The following SEMA4D variants were observed in gnomAD, a reference collection of about 807,000 sequenced individuals.
SEMA4D encodes the protein semaphorin-4D.
Under a neutral mutation model 74.8 loss-of-function variants are expected in SEMA4D, and 22 were observed. The observed-to-expected ratio is 0.29, with a 90% CI of 0.21 to 0.42. The LOEUF is 0.42. Among genes scored for constraint, SEMA4D ranks in the 10% least tolerant of loss-of-function variants. The pLI is 1.00. For missense variants in SEMA4D, 937 were observed against 1,118.4 expected (o/e 0.84, Z 2.31); for synonymous variants, 445 against 463.7 (o/e 0.96, Z 0.52).
Position 89,381,266 on chromosome 9 carries a change from G to A in SEMA4D, c.1527C>T (p.Cys509=), listed in dbSNP as rs759356353. ...PLAFCGKHGT[C]EDCVLARDPY... ...GGTCCCGCGCCAGCACACAGTCCTC[G>A]CAGGTGCCGTGCTTCCCACAGAAGG... The change falls in exon 14 of 16, where the codon TGC becomes TGT. Residue 509 remains cysteine (C), a synonymous_variant. Transcript: ENST00000422704. The surrounding 1 kb of genome is among the most constrained non-coding windows in gnomAD (Gnocchi z 4.6). 46 of 1,595,630 alleles carry A rather than the reference G, an allele frequency of 2.9e-5. No homozygotes were observed. The East Asian group carries it at 4.7e-4, about 16-fold the overall frequency.
chr9:89,490,279 C>A (rs1825526060), intron 1 of SEMA4D, among the ~76,000 whole-genome samples: 1 of 152,198 alleles, frequency 6.6e-6, no homozygotes, highest in Admixed American at 6.5e-5. Flanking sequence ...ACCAACTATT[C>A]AGCAATAAAA....
chr9:89,380,622 C>T (rs113309113), intron 15 of SEMA4D, among the ~76,000 whole-genome samples: 14 of 152,186 alleles, frequency 9.2e-5, no homozygotes, highest in Non-Finnish European at 1.6e-4. Context: ...TGGCCTGATG[C>T]CACCCCTCCC....
At position 89,381,186 on chromosome 9, in the gene SEMA4D, T is replaced by C; in HGVS notation, c.1607A>G (p.Glu536Gly). 6.2e-7 allele frequency: 1 copy of C among 1,613,704 alleles called. No homozygotes were observed. Among genetic ancestry groups the C allele is most frequent in the Non-Finnish European group, 8.5e-7 (1 of 1,179,668 alleles). ...TATCVALHQT[E>G]SPSRGLIQEM... The stretch of plus-strand genomic sequence containing the variant: ...TCCCGCCCCATACCTGCTGGGGCTC[T>C]CGGTCTGGTGCAGAGCCACGCAGGT... The change falls in exon 14 of 16, where the codon GAG becomes GGG. Residue 536 changes from glutamate (E) to glycine (G), a missense_variant. Glu to Gly is a moderately conservative substitution (Grantham distance 98, BLOSUM62 -2). Coordinates refer to ENST00000422704, the MANE Select transcript of SEMA4D (RefSeq NM_001371194.2). The surrounding 1 kb of genome is among the most constrained non-coding windows in gnomAD (Gnocchi z 4.6).
At chr9:89,470,229 T>A (rs72750921) in intron 1 of SEMA4D, among the ~76,000 whole-genome samples, 1 of 152,212 alleles carries the variant, frequency 6.6e-6, no homozygotes, top group Non-Finnish European at 1.5e-5. Flanking sequence ...TATTTGCAAA[T>A]CACATATCTG....
At chr9:89,496,164 C>T (rs1825997739) in intron 1 of SEMA4D, among the ~76,000 whole-genome samples, 1 of 152,212 alleles carries the variant, frequency 6.6e-6, no homozygotes, top group South Asian at 2.1e-4. Context: ...CACTCTAAAC[C>T]TCAGCCCAGG....
At chr9:89,444,400 C>A (rs1852344828) in intron 2 of SEMA4D, among the ~76,000 whole-genome samples, 1 of 152,212 alleles carries the variant, frequency 6.6e-6, no homozygotes, top group African/African-American at 2.4e-5. Flanking sequence ...CATGAGGGGA[C>A]TCCTCCCAGC....
At chr9:89,401,199 G>C (rs189490749) in intron 4 of SEMA4D, among the ~76,000 whole-genome samples, 4 of 151,636 alleles carry the variant, frequency 2.6e-5, no homozygotes, top group African/African-American at 9.7e-5. Flanking sequence ...AGACTCCCAA[G>C]ACCTGAGCCA....
At chr9:89,463,157 C>G (rs1483896780) in intron 1 of SEMA4D, among the ~76,000 whole-genome samples, 1 of 151,904 alleles carries the variant, frequency 6.6e-6, no homozygotes, top group South Asian at 2.1e-4. Context: ...TGAGTTCAGA[C>G]TGGGGAATAC....
At chr9:89,452,164 C>T (rs1199279930) in intron 2 of SEMA4D, among the ~76,000 whole-genome samples, 1 of 147,230 alleles carries the variant, frequency 6.8e-6, no homozygotes, top group Non-Finnish European at 1.5e-5. Flanking sequence ...CCCTCTATGT[C>T]CTGTCTTGGT....
rs755727712 is a variant in SEMA4D at position 89,379,157 on chromosome 9, G to C, written c.2136C>G (p.Ile712Met). 2.0e-5 allele frequency: 33 copies of C among 1,614,066 alleles called. No individual in the cohort carries two copies. The highest frequency in any genetic ancestry group is 2.8e-5 in the Non-Finnish European group (33 of 1,180,038). Residue 712 changes from isoleucine (I) to methionine (M), a missense_variant, in exon 16 of 16, where the codon ATC becomes ATG. Transcript: ENST00000422704. ...APTGTSCEPKIVINTVPQLHS... is the reference protein window; with the variant it reads ...APTGTSCEPKMVINTVPQLHS... ...GGAGCTGGGGGACCGTGTTGATGAC[G>C]ATCTTTGGTTCGCAGGATGTGCCGG... is the stretch of plus-strand genomic sequence containing the variant.
intron 1 of SEMA4D, among the ~76,000 whole-genome samples, 173 bp from the exon 2 acceptor site, chr9:89,456,126 G>A (rs1050808453): frequency 6.6e-6 from 1 of 152,214 alleles, no homozygotes; most frequent in Non-Finnish European, 1.5e-5. Flanking sequence ...ACCTGGCCAC[G>A]TGAGACCAGA....
At chr9:89,438,455 T>C (rs1850939772) in intron 2 of SEMA4D, among the ~76,000 whole-genome samples, 1 of 152,230 alleles carries the variant, frequency 6.6e-6, no homozygotes, top group South Asian at 2.1e-4. Context: ...CTGCAACTCC[T>C]GCTCACGACA....
chr9:89,373,544 C>T (rs1331726985), downstream of SEMA4D, among the ~76,000 whole-genome samples: 2 of 152,196 alleles, frequency 1.3e-5, no homozygotes, highest in African/African-American at 4.8e-5. Flanking sequence ...GCTACAGGCA[C>T]CAGGACGCAG....
At chr9:89,472,437 T>TA (rs1860609645) in intron 1 of SEMA4D, 1 of 288,914 alleles carries the variant, frequency 3.5e-6, no homozygotes, top group Non-Finnish European at 6.8e-6. Flanking sequence ...TATACAGCCT[T>TA]AAAATAGAAT....
intron 2 of SEMA4D, among the ~76,000 whole-genome samples, chr9:89,414,902 C>G (rs1428948055): frequency 6.6e-6 from 1 of 152,242 alleles, no homozygotes; most frequent in Admixed American, 6.5e-5. Flanking sequence ...CCCTCACCCA[C>G]TTCCCAAACC....
chr9:89,384,751 G>C, intron 13 of SEMA4D: 1 of 985,402 alleles, frequency 1.0e-6, no homozygotes, highest in Non-Finnish European at 1.2e-6. Context: ...CAGGGGGAGG[G>C]CGTGGTACTG....
intron 13 of SEMA4D, chr9:89,384,864 G>C: frequency 1.0e-6 from 1 of 985,406 alleles, no homozygotes; most frequent in Non-Finnish European, 1.2e-6. Context: ...TGGCCATGGA[G>C]CTGGGCCTTC....
Position 89,387,454 on chromosome 9 carries a change from G to A in SEMA4D, c.1262C>T (p.Thr421Ile). 1 of 1,614,198 alleles carries A rather than the reference G, an allele frequency of 6.2e-7. No homozygotes were observed. Among genetic ancestry groups the A allele is most frequent in the Non-Finnish European group, 8.5e-7 (1 of 1,180,030 alleles). Reference protein sequence around the residue: ...PRLIKKDVNYTQIVVDRTQAL... With the variant: ...PRLIKKDVNYIQIVVDRTQAL... ...CTGGGTCCGGTCCACCACGATCTGG[G>A]TGTAGTTCACATCTTTCTTGATTAA... Residue 421 changes from threonine to isoleucine, a missense_variant, in exon 12 of 16, where the codon ACC becomes ATC. Physicochemically the swap from Thr to Ile is moderately conservative, Grantham distance 89. Transcript: ENST00000422704.
chr9:89,370,353 TGTGGTGTATCTGTACGTATGTG>T (rs1834372142), intron 16 of SEMA4D, among the ~76,000 whole-genome samples: 1 of 144,238 alleles, frequency 6.9e-6, no homozygotes, highest in African/African-American at 2.9e-5. Context: ...TGGTGTATAT[TGTGGTGTATCTGTACGTATGTG>T]GTGTATCTGA....
Sources: gnomAD v4.1 joint callset for allele counts (sites outside exome capture counted in the v4.1 genomes callset) on GRCh38, gnomAD v4.1.1 for gene constraint, Gnocchi (gnomAD v3.1) non-coding constraint, MANE v1.5 for transcripts, NCBI Gene and HGNC (gene_info 2026-07-23, HGNC 2026-07-21) for gene names.